ABCB5: variants seen among roughly 807,000 people sequenced by gnomAD.
ABCB5 encodes the protein ATP-binding cassette sub-family B member 5.
ABCB5 carries 155 observed loss-of-function variants against 144.2 expected under a neutral mutation model. The observed-to-expected ratio is 1.08, with a 90% CI of 0.94 to 1.23. The LOEUF is 1.23. Among genes scored for constraint, ABCB5 ranks in the 50% most tolerant of loss-of-function variants. The pLI, the probability that ABCB5 is intolerant of heterozygous loss-of-function variation, is 0.00. For missense variants in ABCB5, 1,830 were observed against 1,520.8 expected, an observed-to-expected ratio of 1.20 and a Z score of -3.38; for synonymous variants, 610 against 528.6, an observed-to-expected ratio of 1.15 and a Z score of -2.11.
intron 14 of ABCB5, among the ~76,000 whole-genome samples, chr7:20,669,345 A>C (rs1181528881): frequency 2.0e-5 from 3 of 146,850 alleles, no homozygotes; most frequent in Admixed American, 1.4e-4. Context: ...GTGTGGATAG[A>C]AGTAGACATG....
At chr7:20,651,970 G>C (rs554709801) in intron 13 of ABCB5, among the ~76,000 whole-genome samples, 1 of 152,134 alleles carries the variant, frequency 6.6e-6, no homozygotes, top group Non-Finnish European at 1.5e-5. Context: ...CATCTGTAGA[G>C]AAGAATGCAT....
intron 14 of ABCB5, among the ~76,000 whole-genome samples, chr7:20,663,716 T>C (rs1785077820): frequency 2.5e-5 from 3 of 121,438 alleles, no homozygotes; most frequent in African/African-American, 1.1e-4. Flanking sequence ...TGTTAGGCTT[T>C]TTTTTTTTTT....
intron 7 of ABCB5, among the ~76,000 whole-genome samples, chr7:20,644,712 C>A (rs6957382): frequency 0.092 from 14,020 of 152,258 alleles, 707 homozygotes; most frequent in East Asian, 0.16. Flanking sequence ...ACTAATCATT[C>A]TTTATGGAAA....
At chr7:20,623,754 G>T (rs1226464987) in intron 2 of ABCB5, among the ~76,000 whole-genome samples, 1 of 152,112 alleles carries the variant, frequency 6.6e-6, no homozygotes, top group Non-Finnish European at 1.5e-5. Context: ...CTGTGAATAT[G>T]TATGTTATAC....
At chr7:20,752,312 G>A (rs1320331812) in intron 26 of ABCB5, among the ~76,000 whole-genome samples, 2 of 152,188 alleles carry the variant, frequency 1.3e-5, no homozygotes, top group Non-Finnish European at 2.9e-5. Flanking sequence ...TTGAAAGGAA[G>A]CAAAGTCAAT....
chr7:20,657,686 T>G (rs979686189), intron 13 of ABCB5, among the ~76,000 whole-genome samples: 1 of 152,212 alleles, frequency 6.6e-6, no homozygotes, highest in Non-Finnish European at 1.5e-5. Flanking sequence ...ATATCTTTAT[T>G]GGTATGGTGG....
chr7:20,711,264 G>C (rs1229914393), intron 20 of ABCB5, among the ~76,000 whole-genome samples: 1 of 148,838 alleles, frequency 6.7e-6, no homozygotes, highest in Non-Finnish European at 1.5e-5. Flanking sequence ...CCTTATTCTA[G>C]GTACCTATTT....
At chr7:20,662,912 C>G (rs1298943793) in intron 14 of ABCB5, among the ~76,000 whole-genome samples, 1 of 152,140 alleles carries the variant, frequency 6.6e-6, no homozygotes, top group Non-Finnish European at 1.5e-5. Flanking sequence ...GAGTCATAGA[C>G]CCCCGAAGCC....
At chr7:20,721,008 C>A (rs1036462650) in intron 20 of ABCB5, among the ~76,000 whole-genome samples, 14 of 150,892 alleles carry the variant, frequency 9.3e-5, no homozygotes, top group Non-Finnish European at 1.8e-4. Context: ...CTAAAGAGGC[C>A]TGACACCTAA....
chr7:20,668,722 G>A (rs1487513638), intron 14 of ABCB5, among the ~76,000 whole-genome samples: 6 of 143,898 alleles, frequency 4.2e-5, no homozygotes, highest in African/African-American at 1.6e-4. Context: ...GGAGGGAGGT[G>A]GGGGGGTCAG....
chr7:20,628,987 G>A, intron 4 of ABCB5, 149 bp downstream of exon 4: 1 of 855,346 alleles, frequency 1.2e-6, no homozygotes, highest in Non-Finnish European at 1.7e-6. Context: ...CATATTGCTG[G>A]GCACTAAAGA....
At chr7:20,653,403 AG>A (rs1288493045) in intron 13 of ABCB5, among the ~76,000 whole-genome samples, 1 of 152,246 alleles carries the variant, frequency 6.6e-6, no homozygotes, top group Non-Finnish European at 1.5e-5. Flanking sequence ...AATTGGGGAA[AG>A]CTATTGTAAA....
At chr7:20,647,886 C>A (rs895030332) in intron 10 of ABCB5, 82 bp from the exon 11 acceptor site, 3 of 1,111,222 alleles carry the variant, frequency 2.7e-6, no homozygotes, top group African/African-American at 3.2e-5. Context: ...TGGAAGAAAA[C>A]CATCCTTATA....
intron 26 of ABCB5, among the ~76,000 whole-genome samples, chr7:20,749,700 A>G (rs904765073): frequency 2.0e-5 from 3 of 152,186 alleles, no homozygotes; most frequent in Non-Finnish European, 4.4e-5. Flanking sequence ...AAATAATTAT[A>G]GTGCACAGAA....
At chr7:20,729,731 T>C (rs902864963) in intron 23 of ABCB5, among the ~76,000 whole-genome samples, 1 of 152,222 alleles carries the variant, frequency 6.6e-6, no homozygotes, top group Non-Finnish European at 1.5e-5. Flanking sequence ...AGTAACATTA[T>C]GTTATTTTTA....
intron 4 of ABCB5, among the ~76,000 whole-genome samples, chr7:20,629,598 T>C (rs187889239): frequency 1.3e-5 from 2 of 152,002 alleles, no homozygotes; most frequent in African/African-American, 2.4e-5. Flanking sequence ...CCCGTCTCTA[T>C]TAAAATACAA....
chr7:20,699,079 C>G (rs901265924), intron 17 of ABCB5, among the ~76,000 whole-genome samples: 1 of 152,152 alleles, frequency 6.6e-6, no homozygotes, highest in Non-Finnish European at 1.5e-5. Context: ...AGTATAAATG[C>G]CTGTGTATGT....
At chr7:20,740,202 T>A (rs112057019) in intron 24 of ABCB5, among the ~76,000 whole-genome samples, 118 of 152,338 alleles carry the variant, frequency 7.7e-4, no homozygotes, top group African/African-American at 2.7e-3. Flanking sequence ...ATCACGCCAC[T>A]GCACCCCAGC....
intron 13 of ABCB5, among the ~76,000 whole-genome samples, chr7:20,652,055 A>C (rs1348243120): frequency 6.6e-6 from 1 of 152,252 alleles, no homozygotes; most frequent in Non-Finnish European, 1.5e-5. Context: ...TGCAATTGAA[A>C]AAGAAAAAAA....
Sources: allele counts gnomAD v4.1 joint callset (sites outside exome capture counted in the v4.1 genomes callset), GRCh38; gene constraint gnomAD v4.1.1; transcripts MANE v1.5; gene names NCBI Gene and HGNC (gene_info 2026-07-23, HGNC 2026-07-21).